LACTBL1: variants seen among roughly 807,000 people sequenced by gnomAD.
LACTBL1 encodes lactamase beta like 1.
Under a neutral mutation model 39.6 loss-of-function variants are expected in LACTBL1, and 29 were observed. The observed-to-expected ratio is 0.73, with a 90% CI of 0.55 to 1.00. LACTBL1 has a LOEUF of 1.00. Among genes scored for constraint, LACTBL1 ranks in the 50% least tolerant of loss-of-function variants. The pLI, the probability that LACTBL1 is intolerant of heterozygous loss-of-function variation, is 0.00. For synonymous variants in LACTBL1, 361 were observed against 360.7 expected (o/e 1.00, Z -0.01); for missense variants, 711 against 748.5 (o/e 0.95, Z 0.59).
chr1:22,958,344 C>G (rs936815080), intron 4 of LACTBL1, among the ~76,000 whole-genome samples: 7 of 152,172 alleles, frequency 4.6e-5, no homozygotes, highest in African/African-American at 1.7e-4. Flanking sequence ...CTCGGCCTCC[C>G]AAAGCACTGG....
chr1:22,953,862 GGCCA>G lies in LACTBL1; in HGVS notation c.818_821del (p.Leu273ProfsTer165), dbSNP rs754181158. The G allele has an allele frequency of 1.3e-6, 2 of 1,548,800 alleles. No individual in the cohort carries two copies. Among genetic ancestry groups the G allele is most frequent in the Non-Finnish European group, 1.7e-6 (2 of 1,145,970 alleles). ...GCCGCCCGCTGCCGTAGAAGCCCGC[GGCCA>G]GGCGCGCGCGCACGTCGGGCGTGAG... On this transcript the variant is annotated frameshift_variant, in exon 6 of 6. Transcript: ENST00000426928. LOFTEE classifies it high-confidence loss of function.
intron 5 of LACTBL1, 58 bp downstream of exon 7, chr1:22,955,263 G>A: frequency 7.4e-7 from 1 of 1,359,674 alleles, no homozygotes; most frequent in South Asian, 1.3e-5. Context: ...TTGCCAGGCA[G>A]GTGTGTCTCC....
chr1:22,965,577 C>A (rs1011034567), upstream of LACTBL1, among the ~76,000 whole-genome samples: 1 of 152,120 alleles, frequency 6.6e-6, no homozygotes, highest in Non-Finnish European at 1.5e-5. Context: ...GAAACCAATG[C>A]CCTTCCCAGT....
intron 5 of LACTBL1, 149 bp downstream of exon 7, chr1:22,955,172 C>G: frequency 3.4e-6 from 2 of 596,818 alleles, no homozygotes; most frequent in Non-Finnish European, 5.9e-6. Flanking sequence ...GCTGGCCTCC[C>G]CTCTCTAGGT....
At chr1:22,956,896 G>A (rs1004738921) in intron 4 of LACTBL1, among the ~76,000 whole-genome samples, 2 of 151,932 alleles carry the variant, frequency 1.3e-5, no homozygotes, top group African/African-American at 4.8e-5. Context: ...AGTATACAAT[G>A]GAAAATTTTC....
chr1:22,955,817 C>A (rs1237483705), intron 4 of LACTBL1, among the ~76,000 whole-genome samples: 1 of 152,186 alleles, frequency 6.6e-6, no homozygotes, highest in Non-Finnish European at 1.5e-5. Flanking sequence ...AATCCCAGCA[C>A]TTTGGGAGGC....
At chr1:22,954,159 G>T in intron 5 of LACTBL1, 135 bp from the exon 8 acceptor site, 1 of 1,426,884 alleles carries the variant, frequency 7.0e-7, no homozygotes, top group Non-Finnish European at 9.2e-7. Flanking sequence ...GGTCAGACCT[G>T]GAAGAGACTT....
exon 6 of LACTBL1, chr1:22,953,720 G>A (rs1388807819): frequency 3.0e-6 from 4 of 1,333,484 alleles, no homozygotes; most frequent in Non-Finnish European, 3.8e-6. Context: ...GCGTCGGGCC[G>A]CAGGAGCCGC....
At chr1:22,958,948 C>A in intron 3 of LACTBL1, 28 bp from the exon 6 acceptor site, 1 of 1,482,688 alleles carries the variant, frequency 6.7e-7, no homozygotes, top group South Asian at 1.3e-5. Context: ...TACAAGCAGT[C>A]AAAGGGCATC....
intron 2 of LACTBL1, among the ~76,000 whole-genome samples, chr1:22,961,583 TG>T (rs1640822613): frequency 1.3e-5 from 2 of 152,060 alleles, no homozygotes; most frequent in South Asian, 4.1e-4. Context: ...AGGCTGGTCT[TG>T]AACTCCTGAC....
At chr1:22,956,613 C>G (rs1417117785) in intron 4 of LACTBL1, among the ~76,000 whole-genome samples, 1 of 152,068 alleles carries the variant, frequency 6.6e-6, no homozygotes, top group African/African-American at 2.4e-5. Flanking sequence ...TTACCTGTGT[C>G]AATCACAGCA....
chr1:22,969,542 C>A (rs1295750953), upstream of LACTBL1, among the ~76,000 whole-genome samples: 2 of 152,134 alleles, frequency 1.3e-5, no homozygotes, highest in African/African-American at 4.8e-5. Context: ...CTACAGGAAA[C>A]AATCTGGCAA....
At chr1:22,953,604 C>T (rs755078271) in exon 6 of LACTBL1, 21 of 1,259,978 alleles carry the variant, frequency 1.7e-5, no homozygotes, top group Non-Finnish European at 2.1e-5. Context: ...CGTCCTTGCG[C>T]ACCACGCGGT....
chr1:22,960,768 G>GT (rs891476742), intron 2 of LACTBL1, among the ~76,000 whole-genome samples: 1 of 151,702 alleles, frequency 6.6e-6, no homozygotes, highest in African/African-American at 2.4e-5. Context: ...TTGCACGTTT[G>GT]TTTGGTTATT....
intron 4 of LACTBL1, among the ~76,000 whole-genome samples, chr1:22,957,979 G>C (rs114159803): frequency 0.015 from 2,271 of 152,144 alleles, 41 homozygotes; most frequent in African/African-American, 0.049. Context: ...TATTTTCTGT[G>C]AGCTCTCAAT....
At chr1:22,959,597 G>A (rs1482907073) in intron 3 of LACTBL1, among the ~76,000 whole-genome samples, 1 of 152,244 alleles carries the variant, frequency 6.6e-6, no homozygotes, top group Non-Finnish European at 1.5e-5. Flanking sequence ...AGGGACCTGG[G>A]GCAAGGACCT....
At chr1:22,956,377 GAGA>G (rs1381666515) in intron 4 of LACTBL1, among the ~76,000 whole-genome samples, 1 of 152,032 alleles carries the variant, frequency 6.6e-6, no homozygotes, top group African/African-American at 2.4e-5. Flanking sequence ...CCAAAAAAAG[GAGA>G]AGGAGAAGGA....
At chr1:22,963,004 C>T (rs1046274339) in intron 2 of LACTBL1, 103 bp downstream of exon 4, 11 of 506,644 alleles carry the variant, frequency 2.2e-5, no homozygotes, top group Middle Eastern at 4.4e-4. Flanking sequence ...ACATGTTGGA[C>T]GGATGAATGA....
chr1:22,959,708 C>T (rs1220564622), intron 3 of LACTBL1, among the ~76,000 whole-genome samples: 1 of 152,188 alleles, frequency 6.6e-6, no homozygotes, highest in Non-Finnish European at 1.5e-5. Flanking sequence ...AAGGTTCTTT[C>T]CAGAAGGGAT....
Sources: allele counts gnomAD v4.1 joint callset (sites outside exome capture counted in the v4.1 genomes callset), GRCh38; gene constraint gnomAD v4.1.1; transcripts MANE v1.5; gene names NCBI Gene and HGNC (gene_info 2026-07-23, HGNC 2026-07-21).